The following HIPK4 variants were observed in gnomAD, a reference collection of about 807,000 sequenced individuals.
HIPK4 encodes the protein homeodomain-interacting protein kinase 4.
Under a neutral mutation model 44.8 loss-of-function variants are expected in HIPK4, and 26 were observed. The observed-to-expected ratio is 0.58, with a 90% CI of 0.43 to 0.80. The LOEUF (loss-of-function observed/expected upper bound fraction) is 0.80, where lower values mean the gene tolerates loss of function less well. Among genes scored for constraint, HIPK4 ranks in the 30% least tolerant of loss-of-function variants. HIPK4 has a pLI of 0.00. For missense variants in HIPK4, 729 were observed against 862.6 expected (o/e 0.85, Z 1.94); for synonymous variants, 340 against 355.5 (o/e 0.96, Z 0.49).
chr19:40,379,702 G>A lies in HIPK4; in HGVS notation c.1736C>T (p.Thr579Ile), dbSNP rs2079320470. Residue 579 changes from threonine (T) to isoleucine (I), a missense_variant, in exon 4 of 4, where the codon ACC becomes ATC. This residue lies in a region of HIPK4 where 533 missense variants were observed against 567.5 expected (regional missense o/e 0.94). Coordinates refer to ENST00000291823, the MANE Select transcript of HIPK4 (RefSeq NM_144685.5). ...CCGTGGGCCCCTGACGCTCTCCAGGGTGCAGTCTGGCTCACTCAGCCATTC... is the reference window on the plus strand; with the variant it reads ...CCGTGGGCCCCTGACGCTCTCCAGGATGCAGTCTGGCTCACTCAGCCATTC... ...PGEWLSEPDC[T>I]LESVRGPRAQ... 1.9e-6 allele frequency: 3 copies of A among 1,607,252 alleles called. No individual in the cohort carries two copies. The highest frequency in any genetic ancestry group is 2.5e-6 in the Non-Finnish European group (3 of 1,177,934).
rs144825243 is a variant in HIPK4, at chr19:40,389,527, G to A, written c.376C>T (p.Arg126Trp). 262 of 1,613,596 alleles carry A rather than the reference G, an allele frequency of 1.6e-4. No individual in the cohort carries two copies. Among genetic ancestry groups the A allele is most frequent in the Non-Finnish European group, 2.1e-4 (248 of 1,179,852 alleles). The change falls in exon 1 of 4, where the codon CGG (arginine) becomes TGG (tryptophan). Residue 126 changes from arginine (R) to tryptophan (W), a missense_variant. Coordinates refer to ENST00000291823, the MANE Select transcript of HIPK4 (RefSeq NM_144685.5). This position sits in a 1 kb window ranked among gnomAD's most constrained non-coding sequence, Gnocchi z 4.6. ...TGGATGATAGCCAGCTCCTTGAGCC[G>A]GGCCAGGGCTGTGAGCACCTGCAGG... ...VTLQVLTALARLKELAIIHAD... is the reference protein window; with the variant it reads ...VTLQVLTALAWLKELAIIHAD...
Position 40,380,252 on chromosome 19 carries a change from A to G in HIPK4, c.1668+71T>C. ...TTGAGCCTCCTCACACACTAATCATATCCTGAGCACGGGTGAGTGTGTGCT... is the reference window on the plus strand; with the variant it reads ...TTGAGCCTCCTCACACACTAATCATGTCCTGAGCACGGGTGAGTGTGTGCT... On this transcript the variant is annotated intron_variant, in intron 3 of 3. Transcript: ENST00000291823. The surrounding 1 kb of genome is among the most constrained non-coding windows in gnomAD (Gnocchi z 4.2). 1 of 1,527,922 alleles carries G rather than the reference A, an allele frequency of 6.5e-7. No homozygotes were observed. Among genetic ancestry groups the G allele is most frequent in the Non-Finnish European group, 8.8e-7 (1 of 1,137,844 alleles). 94.6% of individuals were successfully genotyped at this position (1,527,922 alleles called of 1,614,324 possible).
rs2145715468 is a variant in HIPK4, at chr19:40,380,667, A to G, written c.1324T>C (p.Trp442Arg). The G allele has an allele frequency of 1.2e-6, 2 of 1,614,012 alleles. No homozygotes were observed. Among genetic ancestry groups the G allele is most frequent in the Non-Finnish European group, 1.7e-6 (2 of 1,179,954 alleles). The change falls in exon 3 of 4, where the codon TGG becomes CGG. Residue 442 changes from tryptophan to arginine, a missense_variant. Coordinates refer to ENST00000291823, the MANE Select transcript of HIPK4 (RefSeq NM_144685.5). The surrounding 1 kb of genome is among the most constrained non-coding windows in gnomAD (Gnocchi z 4.2). The part of the protein sequence containing the change: ...LSLQEAGHGL[W>R]GETCTNAVSD... Reference sequence around the variant, plus strand: ...ACCGCATTGGTGCAGGTCTCACCCCACAGCCCATGCCCAGCCTCCTGCAGA... The same window carrying G: ...ACCGCATTGGTGCAGGTCTCACCCCGCAGCCCATGCCCAGCCTCCTGCAGA...
chr19:40,387,959 C>G (rs1259029334), intron 1 of HIPK4, among the ~76,000 whole-genome samples: 1 of 151,380 alleles, frequency 6.6e-6, no homozygotes, highest in African/African-American at 2.4e-5. Context: ...CCTCTGCCCC[C>G]CAACTAACTG....
rs2079377030 is a variant in HIPK4, at chr19:40,389,365, AT to A, written c.465+72del. 1 of 731,970 alleles carries A rather than the reference AT, an allele frequency of 1.4e-6. No individual in the cohort carries two copies. The highest frequency in any genetic ancestry group is 1.8e-5 in the African/African-American group (1 of 54,706). 45.3% of individuals were successfully genotyped at this position (731,970 alleles called of 1,614,324 possible). Reference sequence around the variant, plus strand: ...ATAATTTTAAAAAATTAAAAAAAAAATCTAGGGCTGGAAGAAGCTGGGAAAA... The same window carrying A: ...ATAATTTTAAAAAATTAAAAAAAAAACTAGGGCTGGAAGAAGCTGGGAAAA... On this transcript the variant is annotated intron_variant, in intron 1 of 3. Coordinates refer to ENST00000291823, the MANE Select transcript of HIPK4 (RefSeq NM_144685.5). The surrounding 1 kb of genome is among the most constrained non-coding windows in gnomAD (Gnocchi z 4.6).
intron 3 of HIPK4, 150 bp from the exon 4 acceptor site, chr19:40,379,919 C>T: frequency 2.4e-6 from 2 of 827,556 alleles, no homozygotes; most frequent in Non-Finnish European, 3.6e-6. Context: ...GATGTGATGA[C>T]AGCTCACTGC....
intron 1 of HIPK4, among the ~76,000 whole-genome samples, chr19:40,387,233 C>T (rs1235343023): frequency 6.6e-6 from 1 of 152,096 alleles, no homozygotes; most frequent in Non-Finnish European, 1.5e-5. Flanking sequence ...CTCTCTCTCT[C>T]TTTCCATCTC....
intron 1 of HIPK4, among the ~76,000 whole-genome samples, chr19:40,386,140 G>A (rs2079362308): frequency 6.6e-6 from 1 of 152,046 alleles, no homozygotes; most frequent in Admixed American, 6.6e-5. Flanking sequence ...TGTGATCTTG[G>A]CTCACTGCAA....
chr19:40,380,962 G>T lies in HIPK4; in HGVS notation c.1029C>A (p.Arg343=). ...GCTGCTGCATGGACACGAAGGGGTG[G>T]CGCAGGGCAGCACTGGGGCTGATGC... ...HERISPSAAL[R]HPFVSMQQLR... The change falls in exon 3 of 4, where the codon CGC becomes CGA. Residue 343 remains arginine, a synonymous_variant. Transcript: ENST00000291823. This position sits in a 1 kb window ranked among gnomAD's most constrained non-coding sequence, Gnocchi z 4.2. 1 of 1,612,572 alleles carries T rather than the reference G, an allele frequency of 6.2e-7. No homozygotes were observed. Among genetic ancestry groups the T allele is most frequent in the Non-Finnish European group, 8.5e-7 (1 of 1,179,746 alleles).
intron 2 of HIPK4, among the ~76,000 whole-genome samples, chr19:40,382,713 T>C (rs902880761): frequency 2.0e-5 from 3 of 152,110 alleles, no homozygotes; most frequent in South Asian, 4.1e-4. Flanking sequence ...CCAGTCCTCA[T>C]TGAGGTTTAG....
In HIPK4 at chr19:40,389,854, A is replaced by C. The variant is rs570114842; in HGVS notation, c.49T>G (p.Leu17Val). The C allele has an allele frequency of 3.7e-6, 6 of 1,613,098 alleles. No homozygotes were observed. The highest frequency in any genetic ancestry group is 4.5e-5 in the East Asian group (2 of 44,876). Residue 17 changes from leucine to valine, a missense_variant, in exon 1 of 4, where the codon TTG (leucine) becomes GTG (valine). Coordinates refer to ENST00000291823, the MANE Select transcript of HIPK4 (RefSeq NM_144685.5). This position sits in a 1 kb window ranked among gnomAD's most constrained non-coding sequence, Gnocchi z 4.6. ...ETDCYDIIEV[L>V]GKGTFGEVAK... ...ACCTCCCCGAAGGTCCCCTTGCCCA[A>C]GACCTCGATGATGTCGTAGCAGTCA...
chr19:40,386,764 C>T (rs2079365311), intron 1 of HIPK4, among the ~76,000 whole-genome samples: 1 of 152,206 alleles, frequency 6.6e-6, no homozygotes, highest in African/African-American at 2.4e-5. Context: ...TGGCACACAG[C>T]AGGGGCTCAG....
chr19:40,379,429 A>G lies in HIPK4; in HGVS notation c.*158T>C. The G allele has an allele frequency of 1.5e-6, 1 of 665,242 alleles. No homozygotes were observed. Among genetic ancestry groups the G allele is most frequent in the Non-Finnish European group, 2.4e-6 (1 of 408,316 alleles). The allele number at this position is 665,242 out of a possible 1,614,324, so 41.2% of individuals were successfully genotyped here. On this transcript the variant is annotated 3_prime_UTR_variant, in exon 4 of 4. Coordinates refer to ENST00000291823, the MANE Select transcript of HIPK4 (RefSeq NM_144685.5). ...GTTTAGGAGAGGTGTGCAGGCACGC[A>G]CCGCACCGCAGACGGGGAATGAGAA...
chr19:40,380,814 A>T lies in HIPK4; in HGVS notation c.1177T>A (p.Tyr393Asn). 6.8e-6 allele frequency: 11 copies of T among 1,612,810 alleles called. No individual in the cohort carries two copies. The highest frequency in any genetic ancestry group is 9.3e-6 in the Non-Finnish European group (11 of 1,178,952). The change falls in exon 3 of 4, where the codon TAC becomes AAC. Residue 393 changes from tyrosine to asparagine, a missense_variant. Around this residue, in one of 2 missense-constraint regions of HIPK4, gnomAD observed 533 missense variants for 567.5 expected, o/e 0.94. Transcript: ENST00000291823. The surrounding 1 kb of genome is among the most constrained non-coding windows in gnomAD (Gnocchi z 4.2). ...VVAAEDGTPY[Y>N]CLAEEKEAAG... ...GCCTCCTTCTCCTCAGCCAGACAGT[A>T]GTAGGGGGTCCCATCTTCTGCGGCC... is the stretch of plus-strand genomic sequence containing the variant.
At chr19:40,383,174 C>T (rs1187997825) in intron 2 of HIPK4, among the ~76,000 whole-genome samples, 1 of 140,796 alleles carries the variant, frequency 7.1e-6, no homozygotes, top group Non-Finnish European at 1.5e-5. Flanking sequence ...CCTCCGCCCT[C>T]TGGGTTCAAG....
chr19:40,383,745 C>A, intron 2 of HIPK4, 38 bp downstream of exon 2: 1 of 1,510,368 alleles, frequency 6.6e-7, no homozygotes, highest in Non-Finnish European at 9.0e-7. Flanking sequence ...CATGTAACAG[C>A]CCCCACACTG....
chr19:40,380,486 C>T lies in HIPK4; in HGVS notation c.1505G>A (p.Ser502Asn). The change falls in exon 3 of 4, where the codon AGC becomes AAC. Residue 502 changes from serine (S) to asparagine (N), a missense_variant. Ser to Asn is a conservative substitution (Grantham distance 46). This residue lies in a region of HIPK4 where 533 missense variants were observed against 567.5 expected (regional missense o/e 0.94). Transcript: ENST00000291823. This position sits in a 1 kb window ranked among gnomAD's most constrained non-coding sequence, Gnocchi z 4.2. ...PAGSKSDSNFSNLIRLSQVSP... is the reference protein window; with the variant it reads ...PAGSKSDSNFNNLIRLSQVSP... Reference sequence around the variant, plus strand: ...GACCTGGCTCAGCCGAATGAGGTTGCTGAAGTTGGAGTCGGACTTGGAACC... The same window carrying T: ...GACCTGGCTCAGCCGAATGAGGTTGTTGAAGTTGGAGTCGGACTTGGAACC... 6.2e-7 allele frequency: 1 copy of T among 1,613,272 alleles called. No individual in the cohort carries two copies.
chr19:40,380,730 C>G lies in HIPK4; in HGVS notation c.1261G>C (p.Gly421Arg). Residue 421 changes from glycine to arginine, a missense_variant, in exon 3 of 4, where the codon GGT becomes CGT. This residue lies in a region of HIPK4 where 533 missense variants were observed against 567.5 expected (regional missense o/e 0.94). Transcript: ENST00000291823. This position sits in a 1 kb window ranked among gnomAD's most constrained non-coding sequence, Gnocchi z 4.2. ...AGCTGGTCGATGGCTCTTTGCATAC[C>G]TGGTGCCTTCTCCTCTCGGAAGAAG... ...SPFFREEKAP[G>R]MQRAIDQLDD... 6.2e-7 allele frequency: 1 copy of G among 1,614,158 alleles called. No individual in the cohort carries two copies. The highest frequency in any genetic ancestry group is 1.1e-5 in the South Asian group (1 of 91,086).
rs563300034 is a variant in HIPK4, at chr19:40,389,585, C to T, written c.318G>A (p.Ala106=). 3.7e-5 allele frequency: 59 copies of T among 1,613,578 alleles called. No individual in the cohort carries two copies. Among genetic ancestry groups the T allele is most frequent in the African/African-American group, 1.5e-4 (11 of 74,966 alleles). Reference sequence around the variant, plus strand: ...TACGGATGTGGCGGGCGGGGAGGGGCGCGAAGTTGTTCTCCTTCTGGAACT... The same window carrying T: ...TACGGATGTGGCGGGCGGGGAGGGGTGCGAAGTTGTTCTCCTTCTGGAACT... ...LFEFQKENNF[A]PLPARHIRTV... is the part of the protein sequence containing the mutation. Residue 106 remains alanine (A), a synonymous_variant, in exon 1 of 4, where the codon GCG becomes GCA. Transcript: ENST00000291823. This position sits in a 1 kb window ranked among gnomAD's most constrained non-coding sequence, Gnocchi z 4.6.
Sources: gnomAD v4.1 joint callset for allele counts (sites outside exome capture counted in the v4.1 genomes callset) on GRCh38, gnomAD v4.1.1 for gene constraint, gnomAD v4.1.1 regional missense constraint, Gnocchi (gnomAD v3.1) non-coding constraint, MANE v1.5 for transcripts, NCBI Gene and HGNC (gene_info 2026-07-23, HGNC 2026-07-21) for gene names.